The following EZH2 variants were observed in gnomAD, a reference collection of about 807,000 sequenced individuals.
The protein encoded by EZH2 is enhancer of zeste 2 polycomb repressive complex 2 subunit, also known as histone-lysine N-methyltransferase EZH2.
Under a neutral mutation model 98.4 loss-of-function variants are expected in EZH2, and 18 were observed. The observed-to-expected ratio is 0.18, with a 90% CI of 0.13 to 0.27. The LOEUF is 0.27. EZH2 is among the 10% of genes least tolerant of loss of function. The probability of loss-of-function intolerance (pLI) is 1.00; values close to 1 mark genes in which losing one functional copy is unlikely to be tolerated. For missense variants in EZH2, 470 were observed against 935.1 expected (o/e 0.50, Z 6.49); for synonymous variants, 338 against 312.3 (o/e 1.08, Z -0.87).
chr7:148,877,852 G>C (rs1457120226), intron 1 of EZH2, among the ~76,000 whole-genome samples: 1 of 152,182 alleles, frequency 6.6e-6, no homozygotes, highest in African/African-American at 2.4e-5. Flanking sequence ...TCTCGGAGCT[G>C]ACATATCTTT....
chr7:148,816,639 G>GCAAGGCCCT, intron 12 of EZH2, 45 bp downstream of exon 12: 1 of 1,451,110 alleles, frequency 6.9e-7, no homozygotes, highest in Non-Finnish European at 9.7e-7. Context: ...TGCCTGCAGT[G>GCAAGGCCCT]TCTATCTATG....
At chr7:148,843,689 A>G (rs187135053) in intron 3 of EZH2, among the ~76,000 whole-genome samples, 3,688 of 126,238 alleles carry the variant, frequency 0.029, 144 homozygotes, top group African/African-American at 0.1. Context: ...TCCGCCTCCC[A>G]GGTTCACGCC....
intron 1 of EZH2, among the ~76,000 whole-genome samples, chr7:148,864,168 A>C (rs1301663477): frequency 6.6e-6 from 1 of 152,224 alleles, no homozygotes; most frequent in Non-Finnish European, 1.5e-5. Context: ...TATTTTCCAC[A>C]ACAGTAAGAT....
chr7:148,807,576 T>A lies in EZH2; in HGVS notation c.*70A>T. 1 of 1,215,354 alleles carries A rather than the reference T, an allele frequency of 8.2e-7. No individual in the cohort carries two copies. The highest frequency in any genetic ancestry group is 1.2e-6 in the Non-Finnish European group (1 of 840,398). 75.3% of individuals were successfully genotyped at this position (1,215,354 alleles called of 1,614,324 possible). A position where few individuals can be genotyped will look rare whatever the true frequency, so the allele number is the denominator to read the frequency against. On this transcript the variant is annotated 3_prime_UTR_variant, in exon 20 of 20. Coordinates refer to ENST00000320356, the MANE Select transcript of EZH2 (RefSeq NM_004456.5). Reference sequence around the variant, plus strand: ...CAAACTGCATGTTCTTTTTCTAAATTGCCCACAGTACTCGAGGTTCCTGAA... The same window carrying A: ...CAAACTGCATGTTCTTTTTCTAAATAGCCCACAGTACTCGAGGTTCCTGAA...
intron 1 of EZH2, among the ~76,000 whole-genome samples, chr7:148,879,579 T>C (rs1422975219): frequency 6.6e-6 from 1 of 151,670 alleles, no homozygotes; most frequent in Non-Finnish European, 1.5e-5. Flanking sequence ...TAATCCCAAC[T>C]ACTTGAGAGG....
intron 15 of EZH2, among the ~76,000 whole-genome samples, chr7:148,811,976 T>C (rs1360115868): frequency 6.6e-6 from 1 of 152,224 alleles, no homozygotes; most frequent in African/African-American, 2.4e-5. Flanking sequence ...TCCTCTGCAA[T>C]GACCATCGTT....
At chr7:148,827,848 T>C (rs1808163585) in intron 6 of EZH2, among the ~76,000 whole-genome samples, 2 of 152,230 alleles carry the variant, frequency 1.3e-5, no homozygotes, top group Non-Finnish European at 2.9e-5. Flanking sequence ...TGGGGCGCAG[T>C]GGCTCACGCC....
intron 16 of EZH2, 83 bp from the exon 17 acceptor site, chr7:148,810,497 T>C: frequency 2.4e-5 from 18 of 745,440 alleles, no homozygotes; most frequent in Non-Finnish European, 4.2e-5. Context: ...ACAGAGTGAA[T>C]ACTGGACCTT....
In EZH2 at chr7:148,826,562, G is replaced by T; in HGVS notation, c.799C>A (p.Pro267Thr). Residue 267 changes from proline to threonine, a missense_variant, in exon 8 of 20, where the codon CCA becomes ACA. Physicochemically the swap from Pro to Thr is conservative, Grantham distance 38. This residue lies in a region of EZH2 where 192 missense variants were observed against 306.8 expected (regional missense o/e 0.63). Coordinates refer to ENST00000320356, the MANE Select transcript of EZH2 (RefSeq NM_004456.5). ...TCTCTCTGAACAGATTTAGCATTTG[G>T]TCCATCTATGTTGGGGGTACATTCA... Reference protein sequence around the residue: ...PPECTPNIDGPNAKSVQREQS... With the variant: ...PPECTPNIDGTNAKSVQREQS... 2 of 1,592,778 alleles carry T rather than the reference G, an allele frequency of 1.3e-6. No homozygotes were observed. Among genetic ancestry groups the T allele is most frequent in the Non-Finnish European group, 1.7e-6 (2 of 1,167,066 alleles).
intron 1 of EZH2, among the ~76,000 whole-genome samples, chr7:148,882,284 T>C (rs1821120411): frequency 6.6e-6 from 1 of 152,212 alleles, no homozygotes. Context: ...CTTTATCATA[T>C]AGGACAGTGC....
chr7:148,828,630 T>G (rs767122592), intron 6 of EZH2, 110 bp downstream of exon 6: 22 of 1,359,180 alleles, frequency 1.6e-5, no homozygotes, highest in Non-Finnish European at 2.2e-5. Flanking sequence ...ATGTGATATT[T>G]AACAAAGAAA....
rs552823112 is a variant in EZH2, at chr7:148,879,173, C to T, written c.-8+4991G>A. Among the ~76,000 whole-genome samples the T allele has an allele frequency of 7.3e-5, 11 of 149,926 alleles. No homozygotes were observed. The East Asian group carries it at 1.8e-3, about 25-fold the overall frequency. ...CCAGGAGGCAGAGGTTGCAGTGAGCCGAGATCACGCCACTGCACTCCAGCC... is the reference window on the plus strand; with the variant it reads ...CCAGGAGGCAGAGGTTGCAGTGAGCTGAGATCACGCCACTGCACTCCAGCC... On this transcript the variant is annotated intron_variant, in intron 1 of 19. Transcript: ENST00000320356.
At chr7:148,874,003 G>C (rs908541653) in intron 1 of EZH2, among the ~76,000 whole-genome samples, 2 of 152,190 alleles carry the variant, frequency 1.3e-5, no homozygotes, top group African/African-American at 4.8e-5. Context: ...AGATATTCCA[G>C]AAAGAGGACA....
chr7:148,836,926 G>A, intron 3 of EZH2: 1 of 512,800 alleles, frequency 2.0e-6, no homozygotes, highest in East Asian at 4.3e-5. Flanking sequence ...ACCAAACTGA[G>A]ACTCTTGGCA....
intron 3 of EZH2, among the ~76,000 whole-genome samples, chr7:148,839,344 C>T (rs1285464368): frequency 6.6e-6 from 1 of 151,844 alleles, no homozygotes; most frequent in Non-Finnish European, 1.5e-5. Context: ...ATTCTTTACA[C>T]CAAAGGAAAT....
chr7:148,837,061 T>C, intron 3 of EZH2: 1 of 445,294 alleles, frequency 2.2e-6, no homozygotes, highest in Non-Finnish European at 4.5e-6. Context: ...TGCTAGAGAC[T>C]TTACCAAAGT....
intron 1 of EZH2, among the ~76,000 whole-genome samples, chr7:148,866,917 T>C (rs1244578731): frequency 1.3e-5 from 2 of 149,946 alleles, no homozygotes; most frequent in African/African-American, 4.9e-5. Flanking sequence ...TTTCACCATG[T>C]TGGCCAGGCT....
At position 148,841,606 on chromosome 7, in the gene EZH2, T is replaced by C. The variant is rs114423065; in HGVS notation, c.246+4864A>G. 5.6e-3 allele frequency among the ~76,000 whole-genome samples: 847 copies of C among 152,290 alleles called. 11 individuals carry two copies. Among genetic ancestry groups the C allele is most frequent in the African/African-American group, 0.019 (775 of 41,566 alleles). On this transcript the variant is annotated intron_variant, in intron 3 of 19. Coordinates refer to ENST00000320356, the MANE Select transcript of EZH2 (RefSeq NM_004456.5). Reference sequence around the variant, plus strand: ...CATGAGAATCTAAACCTATAGGGCCTATAATCCTGCAATGTATAAAGAAAC... The same window carrying C: ...CATGAGAATCTAAACCTATAGGGCCCATAATCCTGCAATGTATAAAGAAAC...
intron 15 of EZH2, 42 bp from the exon 16 acceptor site, chr7:148,811,762 G>T: frequency 6.6e-7 from 1 of 1,520,510 alleles, no homozygotes; most frequent in Non-Finnish European, 9.0e-7. Flanking sequence ...AAAGGAGGGT[G>T]AAAATGGACT....
Sources: allele counts gnomAD v4.1 joint callset (sites outside exome capture counted in the v4.1 genomes callset), GRCh38; gene constraint gnomAD v4.1.1; regional missense constraint gnomAD v4.1.1; transcripts MANE v1.5; gene names NCBI Gene and HGNC (gene_info 2026-07-23, HGNC 2026-07-21).